KCNIP3: variants seen among roughly 807,000 people sequenced by gnomAD.
KCNIP3 encodes potassium voltage-gated channel interacting protein 3, also known as calsenilin.
A neutral mutation model predicts 35.0 loss-of-function variants in KCNIP3; 28 were observed. The ratio of observed to expected loss-of-function variants is 0.80; its 90% CI spans 0.59 to 1.10. The LOEUF is 1.10. KCNIP3 is among the 50% of genes least tolerant of loss of function. The pLI is 0.00. For missense variants in KCNIP3, 295 were observed against 338.4 expected, an observed-to-expected ratio of 0.87 and a Z score of 1.01; for synonymous variants, 134 against 133.8, an observed-to-expected ratio of 1.00 and a Z score of -0.01.
intron 2 of KCNIP3, chr2:95,347,041 C>T: frequency 6.2e-7 from 1 of 1,611,012 alleles, no homozygotes; most frequent in Non-Finnish European, 8.5e-7. Flanking sequence ...GGGCATGGAG[C>T]TGTGCGCCAT....
intron 1 of KCNIP3, among the ~76,000 whole-genome samples, chr2:95,300,454 C>T (rs1573474929): frequency 6.6e-6 from 1 of 152,318 alleles, no homozygotes; most frequent in East Asian, 1.9e-4. Context: ...CAGGAGCAGC[C>T]AATGTGGCTT....
chr2:95,350,560 A>C (rs1056721748), intron 2 of KCNIP3, among the ~76,000 whole-genome samples: 3 of 152,100 alleles, frequency 2.0e-5, no homozygotes, highest in African/African-American at 7.2e-5. Context: ...GTCCTGTGAG[A>C]GCTACTGCCT....
chr2:95,346,146 G>A (rs1463737895), intron 2 of KCNIP3, among the ~76,000 whole-genome samples: 5 of 152,206 alleles, frequency 3.3e-5, no homozygotes, highest in Non-Finnish European at 7.3e-5. Flanking sequence ...AAGGGGGCCA[G>A]CCTGGGCCCA....
chr2:95,328,615 G>A (rs770463293), intron 2 of KCNIP3, among the ~76,000 whole-genome samples: 5 of 152,258 alleles, frequency 3.3e-5, no homozygotes, highest in Non-Finnish European at 5.9e-5. Context: ...GTGTGTGAGC[G>A]TGCTCACCGC....
chr2:95,367,198 G>T (rs542998645), intron 2 of KCNIP3, among the ~76,000 whole-genome samples: 1 of 152,028 alleles, frequency 6.6e-6, no homozygotes, highest in Non-Finnish European at 1.5e-5. Flanking sequence ...ACTTGAACTC[G>T]GGAGGCAGAG....
chr2:95,375,077 G>T, intron 4 of KCNIP3, 61 bp from the exon 5 acceptor site: 1 of 1,564,334 alleles, frequency 6.4e-7, no homozygotes, highest in South Asian at 1.1e-5. Context: ...GGTTGCCTGG[G>T]GTGGGAGATG....
At chr2:95,325,737 T>A (rs1436447417) in intron 2 of KCNIP3, among the ~76,000 whole-genome samples, 1 of 135,138 alleles carries the variant, frequency 7.4e-6, no homozygotes, top group East Asian at 2.3e-4. Context: ...ACATACACAC[T>A]CATACACACG....
intron 2 of KCNIP3, among the ~76,000 whole-genome samples, chr2:95,364,500 A>G (rs1282202015): frequency 6.6e-6 from 1 of 152,182 alleles, no homozygotes. Flanking sequence ...TCTCATGTTG[A>G]AATGAATCCC....
At chr2:95,300,539 C>G (rs1222093527) in intron 1 of KCNIP3, among the ~76,000 whole-genome samples, 1 of 152,228 alleles carries the variant, frequency 6.6e-6, no homozygotes, top group Non-Finnish European at 1.5e-5. Context: ...TCTTTCTGGC[C>G]TAGTGCCCAG....
At chr2:95,322,165 G>A (rs572964436) in intron 2 of KCNIP3, among the ~76,000 whole-genome samples, 1 of 152,082 alleles carries the variant, frequency 6.6e-6, no homozygotes, top group South Asian at 2.1e-4. Flanking sequence ...AGGAGTTCGA[G>A]ACCAGCTTGG....
intron 2 of KCNIP3, among the ~76,000 whole-genome samples, chr2:95,353,072 G>A (rs1374142651): frequency 6.6e-6 from 1 of 152,234 alleles, no homozygotes; most frequent in Non-Finnish European, 1.5e-5. Context: ...CACTGAGAGT[G>A]TGTGTTGGGG....
At chr2:95,308,637 C>T (rs886699964) in intron 1 of KCNIP3, among the ~76,000 whole-genome samples, 1 of 152,166 alleles carries the variant, frequency 6.6e-6, no homozygotes, top group African/African-American at 2.4e-5. Context: ...GCAGCAGAGC[C>T]CTGTCGCTGG....
rs1379910534 is a variant in KCNIP3, at chr2:95,322,732, C to T, written c.181+12212C>T. On this transcript the variant is annotated intron_variant, in intron 2 of 8. Coordinates refer to ENST00000295225, the MANE Select transcript of KCNIP3 (RefSeq NM_013434.5). ...TGTCTATCCCGTGATTTCTCCCCAC[C>T]CCGCTTATCCCGGCACAGGGGCCAG... 2.0e-5 allele frequency among the ~76,000 whole-genome samples: 3 copies of T among 152,328 alleles called. No individual in the cohort carries two copies. The East Asian group carries it at 5.8e-4, about 29-fold the overall frequency.
At chr2:95,339,350 C>T (rs772367540) in intron 2 of KCNIP3, among the ~76,000 whole-genome samples, 2 of 152,078 alleles carry the variant, frequency 1.3e-5, no homozygotes, top group African/African-American at 4.8e-5. Context: ...GAGGCTGAGG[C>T]GGGCAGATCA....
intron 5 of KCNIP3, 41 bp downstream of exon 5, chr2:95,375,249 G>T (rs746178696): frequency 6.4e-7 from 1 of 1,559,230 alleles, no homozygotes; most frequent in East Asian, 2.2e-5. Flanking sequence ...CTGCCCCTGT[G>T]GTTGCAGGAG....
chr2:95,335,034 T>G (rs1679026823), intron 2 of KCNIP3, among the ~76,000 whole-genome samples: 1 of 152,204 alleles, frequency 6.6e-6, no homozygotes, highest in East Asian at 1.9e-4. Flanking sequence ...CTTGGCCAAG[T>G]AGCTTGGTCT....
In KCNIP3 at chr2:95,297,812, C is replaced by G. The variant is rs186187846; in HGVS notation, c.15+359C>G. On this transcript the variant is annotated intron_variant, in intron 1 of 8. Transcript: ENST00000295225. The stretch of plus-strand genomic sequence containing the variant: ...CACGACTCATCCTGCTCAGTTAGGT[C>G]CCTGGGTCAGGTGCCAGCGTGGCTG... Among the ~76,000 whole-genome samples the G allele has an allele frequency of 7.2e-4, 109 of 152,248 alleles. No individual in the cohort carries two copies. The East Asian group carries it at 8.3e-3, about 12-fold the overall frequency.
At chr2:95,357,032 A>G (rs1679672013) in intron 2 of KCNIP3, among the ~76,000 whole-genome samples, 2 of 152,178 alleles carry the variant, frequency 1.3e-5, no homozygotes, top group African/African-American at 4.8e-5. Flanking sequence ...TGGCCTCTGC[A>G]GGAGACAGTG....
At chr2:95,310,683 T>A in intron 2 of KCNIP3, 163 bp downstream of exon 2, 1 of 739,488 alleles carries the variant, frequency 1.4e-6, no homozygotes, top group Non-Finnish European at 2.3e-6. Context: ...CCTTCCCCAT[T>A]CATTGAGTGC....
Sources: allele counts gnomAD v4.1 joint callset (sites outside exome capture counted in the v4.1 genomes callset), GRCh38; gene constraint gnomAD v4.1.1; transcripts MANE v1.5; gene names NCBI Gene and HGNC (gene_info 2026-07-23, HGNC 2026-07-21).